NCAM2: variants seen among roughly 807,000 people sequenced by gnomAD.
NCAM2 encodes the protein N-CAM-2.
NCAM2 carries 30 observed loss-of-function variants against 98.1 expected under a neutral mutation model. That is an observed-to-expected ratio of 0.31 (90% CI 0.23 to 0.41). The LOEUF is 0.41. Ranked by LOEUF, NCAM2 falls within the 10% of genes least tolerant of loss-of-function variation. The pLI is 1.00. For synonymous variants in NCAM2, 368 were observed against 342.4 expected (o/e 1.07, Z -0.83); for missense variants, 867 against 1,005.8 (o/e 0.86, Z 1.87).
rs1990199723 is a variant in NCAM2, at chr21:21,540,734, T to A, written c.*2777T>A. On this transcript the variant is annotated 3_prime_UTR_variant, in exon 18 of 18. Coordinates refer to ENST00000400546, the MANE Select transcript of NCAM2 (RefSeq NM_004540.5). The stretch of plus-strand genomic sequence containing the variant: ...TGTTAAAATAATTTGAACCCTATGA[T>A]ATTTTAAACCAAGAGGCAAAGATAT... 6.6e-6 allele frequency: 1 copy of A among 152,000 alleles called. No homozygotes were observed. The allele number at this position is 152,000 out of a possible 1,614,324, so 9.4% of individuals were successfully genotyped here.
chr21:21,316,743 C>T (rs984278964), intron 5 of NCAM2, among the ~76,000 whole-genome samples: 15 of 152,016 alleles, frequency 9.9e-5, no homozygotes, highest in Middle Eastern at 3.4e-3. Flanking sequence ...AGGGTTTCAC[C>T]TTCTTGGCCA....
At chr21:21,470,463 A>G (rs1237947552) in intron 14 of NCAM2, among the ~76,000 whole-genome samples, 1 of 152,120 alleles carries the variant, frequency 6.6e-6, no homozygotes, top group Non-Finnish European at 1.5e-5. Flanking sequence ...GGTACTCAAT[A>G]AATTTTACCT....
intron 1 of NCAM2, among the ~76,000 whole-genome samples, chr21:21,182,974 G>A (rs779778766): frequency 3.1e-4 from 47 of 152,088 alleles, no homozygotes; most frequent in Non-Finnish European, 6.2e-4. Context: ...TTTTGAACGT[G>A]TACTTTTATA....
intron 1 of NCAM2, among the ~76,000 whole-genome samples, chr21:21,051,890 G>A (rs1029299558): frequency 2.6e-5 from 4 of 152,270 alleles, no homozygotes; most frequent in Non-Finnish European, 4.4e-5. Flanking sequence ...ACAGATAAGC[G>A]ACTGCAAAAA....
At chr21:21,300,396 A>C (rs1192057122) in intron 5 of NCAM2, among the ~76,000 whole-genome samples, 1 of 152,086 alleles carries the variant, frequency 6.6e-6, no homozygotes, top group Non-Finnish European at 1.5e-5. Context: ...ATCAGTGCAG[A>C]AAATGACTTT....
Position 21,374,010 on chromosome 21 carries a change from G to A in NCAM2, c.1192G>A (p.Glu398Lys), listed in dbSNP as rs1030161443. The change falls in exon 9 of 18, where the codon GAA (glutamate) becomes AAA (lysine). Residue 398 changes from glutamate to lysine, a missense_variant. Around this residue, in one of 5 missense-constraint regions of NCAM2, gnomAD observed 447 missense variants for 495.7 expected, o/e 0.90. Coordinates refer to ENST00000400546, the MANE Select transcript of NCAM2 (RefSeq NM_004540.5). ...TCAAAAGAGCATGTACCTTGATATT[G>A]AATGTAAGTTACTTTCCTTTGTATT... ...GHQKSMYLDIEYAPKFISNQT... is the reference protein window; with the variant it reads ...GHQKSMYLDIKYAPKFISNQT... 5.0e-6 allele frequency: 8 copies of A among 1,601,024 alleles called. No homozygotes were observed. The Middle Eastern group carries it at 1.0e-3, about 201-fold the overall frequency.
rs528940336 is a variant in NCAM2 at position 21,242,777 on chromosome 21, C to A, written c.56-37801C>A. On this transcript the variant is annotated intron_variant, in intron 1 of 17. Coordinates refer to ENST00000400546, the MANE Select transcript of NCAM2 (RefSeq NM_004540.5). ...TTTCCATATCTTAACTAATGTGAATCATACTGCAATGAATGAATACCTTTT... is the reference window on the plus strand; with the variant it reads ...TTTCCATATCTTAACTAATGTGAATAATACTGCAATGAATGAATACCTTTT... Among the ~76,000 whole-genome samples the A allele has an allele frequency of 2.6e-5, 4 of 152,236 alleles. No homozygotes were observed. The South Asian group carries it at 6.2e-4, about 24-fold the overall frequency.
At chr21:21,131,420 T>C (rs562585577) in intron 1 of NCAM2, among the ~76,000 whole-genome samples, 2 of 152,224 alleles carry the variant, frequency 1.3e-5, no homozygotes, top group South Asian at 4.1e-4. Context: ...ATTACAGGCA[T>C]GCGCCACCAC....
At chr21:21,044,159 G>A (rs1202550788) in intron 1 of NCAM2, among the ~76,000 whole-genome samples, 1 of 152,156 alleles carries the variant, frequency 6.6e-6, no homozygotes, top group African/African-American at 2.4e-5. Context: ...CTAAGGGTAT[G>A]TATTTCATAG....
intron 1 of NCAM2, among the ~76,000 whole-genome samples, chr21:21,239,864 A>G (rs2046796219): frequency 6.6e-6 from 1 of 152,154 alleles, no homozygotes; most frequent in African/African-American, 2.4e-5. Context: ...TCTTGTGTCT[A>G]TATTTATATA....
At chr21:21,088,786 ATC>A (rs2065952732) in intron 1 of NCAM2, among the ~76,000 whole-genome samples, 1 of 151,930 alleles carries the variant, frequency 6.6e-6, no homozygotes, top group Non-Finnish European at 1.5e-5. Flanking sequence ...AGGTCAGGAG[ATC>A]GAGACCGTGT....
intron 5 of NCAM2, among the ~76,000 whole-genome samples, chr21:21,300,779 T>TTAC (rs10635435): frequency 0.8 from 121,646 of 151,464 alleles, 49,026 homozygotes; most frequent in East Asian, 0.99. Flanking sequence ...TTCATAATTA[T>TTAC]TACTTAGTTT....
chr21:21,372,867 G>A (rs232516), intron 8 of NCAM2, among the ~76,000 whole-genome samples: 57,530 of 151,572 alleles, frequency 0.38, 11,253 homozygotes, highest in East Asian at 0.58. Flanking sequence ...TCAAAGCCAT[G>A]TCATGTATAA....
intron 1 of NCAM2, among the ~76,000 whole-genome samples, chr21:21,068,665 G>C (rs999438553): frequency 3.3e-5 from 5 of 152,006 alleles, no homozygotes; most frequent in African/African-American, 1.2e-4. Flanking sequence ...TCACCATGTT[G>C]GTCAGGCTGG....
intron 1 of NCAM2, among the ~76,000 whole-genome samples, chr21:21,105,963 C>T (rs1186818312): frequency 1.3e-5 from 2 of 151,758 alleles, no homozygotes; most frequent in Admixed American, 6.6e-5. Context: ...ATACATGTTC[C>T]AAGAGGGTAT....
chr21:21,187,823 G>C (rs2068690868), intron 1 of NCAM2, among the ~76,000 whole-genome samples: 1 of 152,146 alleles, frequency 6.6e-6, no homozygotes. Flanking sequence ...GAACTGTCTT[G>C]AGACTAGAAA....
chr21:21,090,813 G>A (rs1980967), intron 1 of NCAM2, among the ~76,000 whole-genome samples: 34,152 of 151,904 alleles, frequency 0.22, 4,521 homozygotes, highest in African/African-American at 0.37. Context: ...CAGTATTCTC[G>A]CCTCAGATAT....
At chr21:21,344,826 ACT>A (rs999264383) in intron 8 of NCAM2, among the ~76,000 whole-genome samples, 6 of 151,830 alleles carry the variant, frequency 4.0e-5, no homozygotes, top group African/African-American at 1.5e-4. Context: ...CTTAGGTGAG[ACT>A]CTGTGCTGTG....
chr21:21,517,683 C>A (rs898612179), intron 16 of NCAM2, among the ~76,000 whole-genome samples: 1 of 151,996 alleles, frequency 6.6e-6, no homozygotes, highest in African/African-American at 2.4e-5. Context: ...CATAGCTAAA[C>A]CCTGTCTTTA....
Sources: gnomAD v4.1 joint callset for allele counts (sites outside exome capture counted in the v4.1 genomes callset) on GRCh38, gnomAD v4.1.1 for gene constraint, gnomAD v4.1.1 regional missense constraint, MANE v1.5 for transcripts, NCBI Gene and HGNC (gene_info 2026-07-23, HGNC 2026-07-21) for gene names.